Variants in KIF17 observed in about 807,000 individuals in gnomAD.
The protein encoded by KIF17 is kinesin-like protein KIF17.
Under a neutral mutation model 96.8 loss-of-function variants are expected in KIF17, and 80 were observed. The ratio of observed to expected loss-of-function variants is 0.83; its 90% CI spans 0.69 to 1.00. KIF17 has a LOEUF of 1.00. Ranked by LOEUF, KIF17 falls within the 50% of genes least tolerant of loss-of-function variation. The probability of loss-of-function intolerance (pLI) is 0.00; values close to 1 mark genes in which losing one functional copy is unlikely to be tolerated. For synonymous variants in KIF17, 567 were observed against 587.5 expected, an observed-to-expected ratio of 0.97 and a Z score of 0.51; for missense variants, 1,280 against 1,372.9, an observed-to-expected ratio of 0.93 and a Z score of 1.07.
chr1:20,690,690 A>ATT (rs764924838), intron 6 of KIF17, among the ~76,000 whole-genome samples: 1 of 141,910 alleles, frequency 7.0e-6, no homozygotes, highest in Non-Finnish European at 1.5e-5. Flanking sequence ...GCAAAAAAAA[A>ATT]TTTTTTTTTT....
chr1:20,695,256 C>T (rs944731448), intron 6 of KIF17, among the ~76,000 whole-genome samples: 2 of 152,150 alleles, frequency 1.3e-5, no homozygotes, highest in African/African-American at 2.4e-5. Context: ...GGCGCCATCT[C>T]GGCTCACTGC....
rs1570431855 is a variant in KIF17, at chr1:20,670,606, A to T, written c.2723-118T>A. On this transcript the variant is annotated intron_variant, in intron 12 of 14. Transcript: ENST00000400463. ...GCTTAAACAGGGGAGGACACTTCCCAGCCCAAGCCAAGGGATAATTTTAAG... is the reference window on the plus strand; with the variant it reads ...GCTTAAACAGGGGAGGACACTTCCCTGCCCAAGCCAAGGGATAATTTTAAG... 4 of 901,054 alleles carry T rather than the reference A, an allele frequency of 4.4e-6. No homozygotes were observed. In the East Asian group the frequency reaches 9.7e-5, roughly 22 times the overall value. 55.8% of individuals were successfully genotyped at this position (901,054 alleles called of 1,614,324 possible). A position where few individuals can be genotyped will look rare whatever the true frequency, so the allele number is the denominator to read the frequency against.
At chr1:20,705,338 G>A (rs1050465128) in intron 4 of KIF17, among the ~76,000 whole-genome samples, 5 of 152,114 alleles carry the variant, frequency 3.3e-5, no homozygotes, top group African/African-American at 7.2e-5. Flanking sequence ...TCCCAGACCC[G>A]GTTCCCAACC....
At chr1:20,705,348 C>A (rs1256033542) in intron 4 of KIF17, among the ~76,000 whole-genome samples, 4 of 152,174 alleles carry the variant, frequency 2.6e-5, no homozygotes, top group Non-Finnish European at 4.4e-5. Context: ...GGTTCCCAAC[C>A]CAGTCGTGTC....
At chr1:20,681,337 C>T (rs1479340944) in intron 11 of KIF17, among the ~76,000 whole-genome samples, 1 of 151,260 alleles carries the variant, frequency 6.6e-6, no homozygotes, top group African/African-American at 2.4e-5. Flanking sequence ...TTACAGCATG[C>T]GCCACCACGC....
rs546477114 is a variant in KIF17, at chr1:20,690,004, T to C, written c.1381+184A>G. The stretch of plus-strand genomic sequence containing the variant: ...CCATGGGCAAGTTACCTACCCTCTC[T>C]GTGCCTCAGTTTCCTCATCTATATA... On this transcript the variant is annotated intron_variant, in intron 7 of 14. Transcript: ENST00000400463. 1.1e-4 allele frequency among the ~76,000 whole-genome samples: 17 copies of C among 152,342 alleles called. No homozygotes were observed. The South Asian group carries it at 3.5e-3, about 32-fold the overall frequency.
intron 11 of KIF17, among the ~76,000 whole-genome samples, chr1:20,676,206 T>C (rs12025912): frequency 0.11 from 16,456 of 152,026 alleles, 1,116 homozygotes; most frequent in Middle Eastern, 0.19. Flanking sequence ...AAAAAAAACA[T>C]GAGGGAATTT....
intron 11 of KIF17, among the ~76,000 whole-genome samples, chr1:20,680,969 C>CA (rs1302904342): frequency 1.3e-5 from 2 of 151,020 alleles, no homozygotes; most frequent in African/African-American, 2.4e-5. Flanking sequence ...TAAAAAAATA[C>CA]AAAAAAATTA....
chr1:20,688,924 C>CT (rs2053987630), intron 7 of KIF17, among the ~76,000 whole-genome samples: 1 of 152,204 alleles, frequency 6.6e-6, no homozygotes, highest in Non-Finnish European at 1.5e-5. Context: ...ACATGGGCCC[C>CT]TTAGTGCTCC....
chr1:20,708,799 G>A (rs891736047), intron 4 of KIF17, among the ~76,000 whole-genome samples: 3 of 152,164 alleles, frequency 2.0e-5, no homozygotes, highest in African/African-American at 7.2e-5. Context: ...CACTGCAGAT[G>A]GCCAATGGGG....
Position 20,672,569 on chromosome 1 carries a change from C to T in KIF17, c.2464-373G>A, listed in dbSNP as rs1304303170. On this transcript the variant is annotated intron_variant, in intron 11 of 14. Transcript: ENST00000400463. This position sits in a 1 kb window ranked among gnomAD's most constrained non-coding sequence, Gnocchi z 4.3. ...TTATTCAGGAGCCTTTGAGAAGTCC[C>T]CACATCCAACACCACCGTTCTAAAG... is the stretch of plus-strand genomic sequence containing the variant. 6.6e-6 allele frequency among the ~76,000 whole-genome samples: 1 copy of T among 152,148 alleles called. No homozygotes were observed. Among genetic ancestry groups the T allele is most frequent in the South Asian group, 2.1e-4 (1 of 4,820 alleles).
intron 1 of KIF17, 112 bp from the exon 2 acceptor site, chr1:20,715,751 A>C: frequency 3.2e-6 from 4 of 1,236,054 alleles, no homozygotes; most frequent in East Asian, 2.5e-5. Context: ...CCCACCAACA[A>C]TGGCACTGGA....
Position 20,685,028 on chromosome 1 carries a change from T to C in KIF17, c.2020-8A>G. 1 of 1,580,054 alleles carries C rather than the reference T, an allele frequency of 6.3e-7. No individual in the cohort carries two copies. Among genetic ancestry groups the C allele is most frequent in the Non-Finnish European group, 8.6e-7 (1 of 1,162,770 alleles). On this transcript the variant is annotated splice_region_variant and splice_polypyrimidine_tract_variant and intron_variant, in intron 9 of 14. Coordinates refer to ENST00000400463, the MANE Select transcript of KIF17 (RefSeq NM_001122819.3). The surrounding 1 kb of genome is among the most constrained non-coding windows in gnomAD (Gnocchi z 4.1). The stretch of plus-strand genomic sequence containing the variant: ...CGAGGCCAGATCTACCTCCTGAGTG[T>C]GAAGAGAAACCCAGGTGGAGGTGGG...
At chr1:20,712,412 T>A (rs1031732293) in intron 3 of KIF17, among the ~76,000 whole-genome samples, 3 of 150,562 alleles carry the variant, frequency 2.0e-5, no homozygotes, top group Non-Finnish European at 4.4e-5. Context: ...AAACACCAAG[T>A]GGCTGGGTGC....
chr1:20,699,753 C>G lies in KIF17; in HGVS notation c.1124-1265G>C, dbSNP rs1246133438. 6.6e-6 allele frequency among the ~76,000 whole-genome samples: 1 copy of G among 151,982 alleles called. No individual in the cohort carries two copies. Among genetic ancestry groups the G allele is most frequent in the African/African-American group, 2.4e-5 (1 of 41,354 alleles). ...GAGGCGGTTGTGAGACTGCACTGTT[C>G]CTGGCCCAGCCAGGAGGCCAGTGTG... On this transcript the variant is annotated intron_variant, in intron 5 of 14. Coordinates refer to ENST00000400463, the MANE Select transcript of KIF17 (RefSeq NM_001122819.3). The surrounding 1 kb of genome is among the most constrained non-coding windows in gnomAD (Gnocchi z 4.3).
chr1:20,662,490 C>T (rs2053454317), downstream of KIF17, among the ~76,000 whole-genome samples: 1 of 152,206 alleles, frequency 6.6e-6, no homozygotes, highest in Admixed American at 6.5e-5. Flanking sequence ...TTAACGGACT[C>T]TACTTCCTCT....
Position 20,686,106 on chromosome 1 carries a change from C to A in KIF17, c.1959G>T (p.Leu653=). Residue 653 remains leucine (L), a synonymous_variant, in exon 9 of 15, where the codon CTG becomes CTT. Coordinates refer to ENST00000400463, the MANE Select transcript of KIF17 (RefSeq NM_001122819.3). Reference sequence around the variant, plus strand: ...CGGGCCTGGCATCACTGGGCTCCAGCAGGTCTGTCGGCGCAGGGACCTGGG... The same window carrying A: ...CGGGCCTGGCATCACTGGGCTCCAGAAGGTCTGTCGGCGCAGGGACCTGGG... ...VPVQVPAPTD[L]LEPSDARPEA... 1.3e-6 allele frequency: 2 copies of A among 1,568,034 alleles called. No homozygotes were observed. Among genetic ancestry groups the A allele is most frequent in the East Asian group, 2.4e-5 (1 of 42,484 alleles).
At position 20,686,069 on chromosome 1, in the gene KIF17, C is replaced by G; in HGVS notation, c.1996G>C (p.Ala666Pro). ...PSDARPEAEA[A>P]DDFPPRPEVD... ...ACAGGCCTGGGCGGGAAGTCATCAG[C>G]CGCCTCGGCTTCGGGCCTGGCATCA... Residue 666 changes from alanine to proline, a missense_variant, in exon 9 of 15, where the codon GCT becomes CCT. Ala to Pro is a conservative substitution (Grantham distance 27). Transcript: ENST00000400463. 2.6e-6 allele frequency: 4 copies of G among 1,560,026 alleles called. No individual in the cohort carries two copies. Among genetic ancestry groups the G allele is most frequent in the Non-Finnish European group, 3.5e-6 (4 of 1,151,598 alleles).
At position 20,687,508 on chromosome 1, in the gene KIF17, C is replaced by A. The variant is rs1359003625; in HGVS notation, c.1818G>T (p.Leu606=). Residue 606 remains leucine (L), a synonymous_variant, in exon 8 of 15, where the codon CTG becomes CTT. Transcript: ENST00000400463. This position sits in a 1 kb window ranked among gnomAD's most constrained non-coding sequence, Gnocchi z 4.4. ...LPQEEPQEVP[L]QGLLGLQDPF... ...GGTCCTGCAGGCCTAGTAACCCCTG[C>A]AGGGGCACCTCCTGCGGCTCCTCTT... 1.2e-6 allele frequency: 2 copies of A among 1,613,484 alleles called. No homozygotes were observed. The highest frequency in any genetic ancestry group is 1.7e-4 in the Middle Eastern group (1 of 6,010).
Sources: allele counts gnomAD v4.1 joint callset (sites outside exome capture counted in the v4.1 genomes callset), GRCh38; gene constraint gnomAD v4.1.1; non-coding constraint Gnocchi (gnomAD v3.1); transcripts MANE v1.5; gene names NCBI Gene and HGNC (gene_info 2026-07-23, HGNC 2026-07-21).